Variants in MYADML2 observed in about 807,000 individuals in gnomAD.
The protein encoded by MYADML2 is myeloid associated differentiation marker like 2, also known as myeloid-associated differentiation marker-like protein 2.
In MYADML2, 17 loss-of-function variants were observed where a neutral mutation model predicts 16.0. The ratio of observed to expected loss-of-function variants is 1.06; its 90% confidence interval spans 0.73 to 1.60. The LOEUF is 1.60. MYADML2 is among the 40% of genes most tolerant of loss of function. MYADML2 has a pLI of 0.00. For missense variants in MYADML2, 422 were observed against 437.7 expected (o/e 0.96, Z 0.32); for synonymous variants, 210 against 208.1 (o/e 1.01, Z -0.08).
At position 81,945,468 on chromosome 17, in the gene MYADML2, G is replaced by A. The variant is rs2041337874; in HGVS notation, c.-181+1591C>T. Among the ~76,000 whole-genome samples the A allele has an allele frequency of 2.0e-5, 3 of 152,150 alleles. No individual in the cohort carries two copies. The South Asian group carries it at 6.2e-4, about 32-fold the overall frequency. On this transcript the variant is annotated intron_variant, in intron 1 of 2. Coordinates refer to ENST00000409745, the MANE Select transcript of MYADML2 (RefSeq NM_001145113.3). ...GCAGGAGAATGGCGTGAACCCGGGAGGCAGAGCTTGCAGTGAGCCAAGATA... is the reference window on the plus strand; with the variant it reads ...GCAGGAGAATGGCGTGAACCCGGGAAGCAGAGCTTGCAGTGAGCCAAGATA...
chr17:81,940,906 A>C lies in MYADML2; in HGVS notation c.836T>G (p.Val279Gly). ...RGSCPWDSQLVVAIFTYVNLL... is the reference protein window; with the variant it reads ...RGSCPWDSQLGVAIFTYVNLL... Reference sequence around the variant, plus strand: ...GTTGACGTAGGTGAAGATGGCCACCACCAGCTGGCTGTCCCAGGGACAGCT... The same window carrying C: ...GTTGACGTAGGTGAAGATGGCCACCCCCAGCTGGCTGTCCCAGGGACAGCT... Residue 279 changes from valine to glycine, a missense_variant, in exon 3 of 3, where the codon GTG becomes GGG. Val to Gly is a moderately radical substitution (Grantham distance 109). Transcript: ENST00000409745. 6.5e-7 allele frequency: 1 copy of C among 1,548,076 alleles called. No individual in the cohort carries two copies. Among genetic ancestry groups the C allele is most frequent in the Non-Finnish European group, 8.7e-7 (1 of 1,144,960 alleles).
At chr17:81,945,579 GTAATCTC>G (rs1201991158) in intron 1 of MYADML2, among the ~76,000 whole-genome samples, 2 of 151,498 alleles carry the variant, frequency 1.3e-5, no homozygotes, top group Non-Finnish European at 2.9e-5. Flanking sequence ...GCACATGCCT[GTAATCTC>G]AGTTACTGGG....
At position 81,942,019 on chromosome 17, in the gene MYADML2, C is replaced by T. The variant is rs2041309702; in HGVS notation, c.-102-176G>A. On this transcript the variant is annotated intron_variant, in intron 2 of 2. Coordinates refer to ENST00000409745, the MANE Select transcript of MYADML2 (RefSeq NM_001145113.3). The surrounding 1 kb of genome is among the most constrained non-coding windows in gnomAD (Gnocchi z 4.4). ...TGACCCCTGGTCCCCTGTGGAGCCC[C>T]TGCCGGGACCATTAACCCATTGGCT... 2.5e-6 allele frequency: 1 copy of T among 396,308 alleles called. No homozygotes were observed. The allele number at this position is 396,308 out of a possible 1,614,324, so 24.5% of individuals were successfully genotyped here. A position where few individuals can be genotyped will look rare whatever the true frequency, so the allele number is the denominator to read the frequency against.
chr17:81,946,366 A>T (rs1251974978), intron 1 of MYADML2, among the ~76,000 whole-genome samples: 1 of 139,538 alleles, frequency 7.2e-6, no homozygotes, highest in African/African-American at 2.7e-5. Flanking sequence ...AAAGAAGAAA[A>T]GGCCGGGCGC....
rs920459706 is a variant in MYADML2, at chr17:81,941,204, C to T, written c.538G>A (p.Gly180Arg). 14 of 1,550,014 alleles carry T rather than the reference C, an allele frequency of 9.0e-6. No homozygotes were observed. Among genetic ancestry groups the T allele is most frequent in the East Asian group, 2.4e-5 (1 of 40,918 alleles). The change falls in exon 3 of 3, where the codon GGG (glycine) becomes AGG (arginine). Residue 180 changes from glycine to arginine, a missense_variant. By Grantham distance (125) the Gly-to-Arg change is moderately radical. Coordinates refer to ENST00000409745, the MANE Select transcript of MYADML2 (RefSeq NM_001145113.3). Reference protein sequence around the residue: ...VQAFVACIIFGALVHDSRYGR... With the variant: ...VQAFVACIIFRALVHDSRYGR... ...TAGCGGCTGTCATGGACCAGCGCCC[C>T]GAAGATGATGCAGGCCACGAAGGCC...
Position 81,941,555 on chromosome 17 carries a change from C to T in MYADML2, c.187G>A (p.Ala63Thr), listed in dbSNP as rs757018837. The T allele has an allele frequency of 2.6e-5, 41 of 1,548,078 alleles. No homozygotes were observed. The highest frequency in any genetic ancestry group is 9.8e-5 in the East Asian group (4 of 40,936). Residue 63 changes from alanine (A) to threonine (T), a missense_variant, in exon 3 of 3, where the codon GCC becomes ACC. By Grantham distance (58) the Ala-to-Thr change is moderately conservative (BLOSUM62 0). Coordinates refer to ENST00000409745, the MANE Select transcript of MYADML2 (RefSeq NM_001145113.3). The part of the protein sequence containing the change: ...FCMAAWGFCF[A>T]VSALVVACEF... Reference sequence around the variant, plus strand: ...CAGGCCACCACCAGCGCAGAGACGGCGAAGCAGAAGCCCCAGGCGGCCATG... The same window carrying T: ...CAGGCCACCACCAGCGCAGAGACGGTGAAGCAGAAGCCCCAGGCGGCCATG...
rs770248037 is a variant in MYADML2, at chr17:81,940,984, CAG to C, written c.756_757del (p.Phe252LeufsTer8). 9.0e-6 allele frequency: 14 copies of C among 1,550,560 alleles called. No individual in the cohort carries two copies. The South Asian group carries it at 1.2e-4, about 13-fold the overall frequency. On this transcript the variant is annotated frameshift_variant, in exon 3 of 3. Transcript: ENST00000409745. LOFTEE classifies it high-confidence loss of function. ...GGGCTCACCGTACTTGGGATCGAAA[CAG>C]AAGACTGGCCAGATCACGGCGGCGC... is the stretch of plus-strand genomic sequence containing the variant.
intron 1 of MYADML2, among the ~76,000 whole-genome samples, chr17:81,943,025 A>T (rs896056317): frequency 2.6e-5 from 4 of 151,718 alleles, no homozygotes; most frequent in African/African-American, 9.7e-5. Flanking sequence ...CACCTCTTCC[A>T]TTTTTAAGCT....
intron 2 of MYADML2, 75 bp from the exon 3 acceptor site, chr17:81,941,918 G>A (rs771589436): frequency 1.8e-4 from 108 of 610,312 alleles, no homozygotes; most frequent in Non-Finnish European, 2.7e-4. Flanking sequence ...GCTCCCCCCA[G>A]CGCTATAAAT....
chr17:81,941,138 T>C lies in MYADML2; in HGVS notation c.604A>G (p.Ser202Gly). The C allele has an allele frequency of 6.5e-7, 1 of 1,550,192 alleles. No homozygotes were observed. The change falls in exon 3 of 3, where the codon AGC becomes GGC. Residue 202 changes from serine (S) to glycine (G), a missense_variant. Ser to Gly is a moderately conservative substitution (Grantham distance 56, BLOSUM62 0). Transcript: ENST00000409745. ...VATQWCVAVY[S>G]LCFLATVAVV... ...GCCACTGTGGCCAGGAAGCACAGGCTGTAGACGGCCACGCACCACTGGGTG... is the reference window on the plus strand; with the variant it reads ...GCCACTGTGGCCAGGAAGCACAGGCCGTAGACGGCCACGCACCACTGGGTG...
chr17:81,946,449 C>A (rs570566326), intron 1 of MYADML2, among the ~76,000 whole-genome samples: 1 of 150,898 alleles, frequency 6.6e-6, no homozygotes, highest in Non-Finnish European at 1.5e-5. Flanking sequence ...GAGATCGAGA[C>A]CATCCTGGCC....
rs544481628 is a variant in MYADML2 at position 81,941,009 on chromosome 17, C to T, written c.733G>A (p.Ala245Thr). ...TFLAVLLYLS[A>T]AVIWPVFCFD... ...CAGAAGACTGGCCAGATCACGGCGG[C>T]GCTGAGGTACAGGAGCACAGCCAGG... The change falls in exon 3 of 3, where the codon GCC becomes ACC. Residue 245 changes from alanine to threonine, a missense_variant. Coordinates refer to ENST00000409745, the MANE Select transcript of MYADML2 (RefSeq NM_001145113.3). 238 of 1,550,526 alleles carry T rather than the reference C, an allele frequency of 1.5e-4. 1 individual carries two copies. The South Asian group carries it at 2.6e-3, about 17-fold the overall frequency.
At position 81,943,560 on chromosome 17, in the gene MYADML2, C is replaced by A. The variant is rs564418166; in HGVS notation, c.-180-1187G>T. Among the ~76,000 whole-genome samples, 44 of 150,220 alleles carry A rather than the reference C, an allele frequency of 2.9e-4. 1 individual carries two copies. The highest frequency in any genetic ancestry group is 1.1e-3 in the African/African-American group (44 of 40,870). On this transcript the variant is annotated intron_variant, in intron 1 of 2. Coordinates refer to ENST00000409745, the MANE Select transcript of MYADML2 (RefSeq NM_001145113.3). ...CTGGGACTACAGGTGCCCGCCACCA[C>A]GCCTGGCTAATTTTTTGTATTTTTA...
At chr17:81,943,438 C>G (rs1451931991) in intron 1 of MYADML2, among the ~76,000 whole-genome samples, 3 of 137,548 alleles carry the variant, frequency 2.2e-5, no homozygotes, top group Admixed American at 7.5e-5. Context: ...GAGTCTCGCT[C>G]TGTTGCCCAG....
At chr17:81,946,580 A>G (rs537135439) in intron 1 of MYADML2, among the ~76,000 whole-genome samples, 12 of 152,102 alleles carry the variant, frequency 7.9e-5, no homozygotes, top group Non-Finnish European at 1.3e-4. Context: ...CCCGGGAGGC[A>G]GAGCTTGCAG....
Position 81,940,568 on chromosome 17 carries a change from G to C in MYADML2, c.*250C>G. The C allele has an allele frequency of 2.1e-6, 1 of 479,658 alleles. No homozygotes were observed. Among genetic ancestry groups the C allele is most frequent in the South Asian group, 4.3e-5 (1 of 23,460 alleles). The allele number at this position is 479,658 out of a possible 1,614,324, so 29.7% of individuals were successfully genotyped here. ...GAGCGCTGGGAAATGGTGAGAGAGA[G>C]TGAGTTGGGGATTGGCCTAGGTGAG... On this transcript the variant is annotated 3_prime_UTR_variant, in exon 3 of 3. Transcript: ENST00000409745.
intron 1 of MYADML2, among the ~76,000 whole-genome samples, chr17:81,946,258 G>A (rs1446235902): frequency 6.6e-6 from 1 of 152,096 alleles, no homozygotes; most frequent in Non-Finnish European, 1.5e-5. Flanking sequence ...GGGAGGCTGA[G>A]GCAGGAGAAT....
Position 81,941,043 on chromosome 17 carries a change from C to T in MYADML2, c.699G>A (p.Val233=). 1 of 1,550,394 alleles carries T rather than the reference C, an allele frequency of 6.4e-7. No homozygotes were observed. The highest frequency in any genetic ancestry group is 1.2e-5 in the South Asian group (1 of 84,064). ...LGCPFDRLVV[V]YTFLAVLLYL... ...ACAGGAGCACAGCCAGGAAGGTGTACACCACCACCAGCCGGTCAAAGGGGC... is the reference window on the plus strand; with the variant it reads ...ACAGGAGCACAGCCAGGAAGGTGTATACCACCACCAGCCGGTCAAAGGGGC... Residue 233 remains valine, a synonymous_variant, in exon 3 of 3, where the codon GTG becomes GTA. Coordinates refer to ENST00000409745, the MANE Select transcript of MYADML2 (RefSeq NM_001145113.3).
In MYADML2 at chr17:81,940,766, G is replaced by A. The variant is rs2041295230; in HGVS notation, c.*52C>T. ...TTGGTTCACCTGAGTTTCCCTCGCAGAGCCTGGAGCTGGTGGCCAGAGAGC... is the reference window on the plus strand; with the variant it reads ...TTGGTTCACCTGAGTTTCCCTCGCAAAGCCTGGAGCTGGTGGCCAGAGAGC... On this transcript the variant is annotated 3_prime_UTR_variant, in exon 3 of 3. Transcript: ENST00000409745. 6.9e-7 allele frequency: 1 copy of A among 1,455,682 alleles called. No individual in the cohort carries two copies. The highest frequency in any genetic ancestry group is 2.7e-5 in the Admixed American group (1 of 36,780). The allele number at this position is 1,455,682 out of a possible 1,614,324, so 90.2% of individuals were successfully genotyped here.
Sources: allele counts gnomAD v4.1 joint callset (sites outside exome capture counted in the v4.1 genomes callset), GRCh38; gene constraint gnomAD v4.1.1; non-coding constraint Gnocchi (gnomAD v3.1); transcripts MANE v1.5; gene names NCBI Gene and HGNC (gene_info 2026-07-23, HGNC 2026-07-21).